SCAPER: variants seen among roughly 807,000 people sequenced by gnomAD.
SCAPER encodes the protein S-phase cyclin A associated protein in the ER.
Under a neutral mutation model 182.2 loss-of-function variants are expected in SCAPER, and 98 were observed. The observed-to-expected ratio is 0.54, with a 90% CI of 0.46 to 0.64. The LOEUF is 0.64. SCAPER is among the 30% of genes least tolerant of loss of function. The pLI is 0.00. For missense variants in SCAPER, 1,432 were observed against 1,690.0 expected (o/e 0.85, Z 2.68); for synonymous variants, 605 against 564.6 (o/e 1.07, Z -1.01).
intron 5 of SCAPER, among the ~76,000 whole-genome samples, chr15:76,839,853 T>C (rs759498246): frequency 1.3e-5 from 2 of 152,180 alleles, no homozygotes; most frequent in African/African-American, 2.4e-5. Context: ...AAAGACGTCA[T>C]TGCAATTGGT....
Position 76,894,492 on chromosome 15 carries a change from C to G in SCAPER, c.-59-10616G>C, listed in dbSNP as rs184283255. Among the ~76,000 whole-genome samples, 9 of 151,958 alleles carry G rather than the reference C, an allele frequency of 5.9e-5. No individual in the cohort carries two copies. In the East Asian group the frequency reaches 1.7e-3, roughly 29 times the overall value. On this transcript the variant is annotated intron_variant, in intron 1 of 31. Coordinates refer to ENST00000563290, the MANE Select transcript of SCAPER (RefSeq NM_020843.4). ...TCAGATAAACAACCTAAGTTTACAC[C>G]TCAAAGAACTAAAAAAAGAACAAAC...
At chr15:76,574,052 C>T (rs1159742516) in intron 23 of SCAPER, 106 bp downstream of exon 23, 1 of 1,058,820 alleles carries the variant, frequency 9.4e-7, no homozygotes, top group Non-Finnish European at 1.2e-6. Flanking sequence ...CTTTAAAAAA[C>T]ACAGAAGAAA....
rs1042287950 is a variant in SCAPER at position 76,688,048 on chromosome 15, C to G, written c.2508+13710G>C. On this transcript the variant is annotated intron_variant, in intron 20 of 31. Transcript: ENST00000563290. Reference sequence around the variant, plus strand: ...TCTGCAATGGTTGAACTAATTTACACTCCCACCAACAGCGTAAAAGCACTC... The same window carrying G: ...TCTGCAATGGTTGAACTAATTTACAGTCCCACCAACAGCGTAAAAGCACTC... Among the ~76,000 whole-genome samples, 4 of 152,308 alleles carry G rather than the reference C, an allele frequency of 2.6e-5. No individual in the cohort carries two copies. In the South Asian group the frequency reaches 6.2e-4, roughly 24 times the overall value.
intron 4 of SCAPER, among the ~76,000 whole-genome samples, chr15:76,852,338 T>C (rs1381911409): frequency 6.6e-6 from 1 of 152,178 alleles, no homozygotes; most frequent in Non-Finnish European, 1.5e-5. Flanking sequence ...ACCAAATGGA[T>C]CTGATAGATC....
chr15:76,469,127 ATTCT>A (rs1228731143), intron 25 of SCAPER, among the ~76,000 whole-genome samples: 1 of 152,144 alleles, frequency 6.6e-6, no homozygotes, highest in Non-Finnish European at 1.5e-5. Flanking sequence ...CAGAACCAAG[ATTCT>A]TTCTTTAAGT....
At chr15:76,831,710 C>T (rs1472967071) in intron 5 of SCAPER, among the ~76,000 whole-genome samples, 1 of 152,134 alleles carries the variant, frequency 6.6e-6, no homozygotes, top group East Asian at 1.9e-4. Flanking sequence ...ATCACCCCAC[C>T]GGAGCATATT....
At chr15:76,468,388 A>C (rs963554938) in intron 25 of SCAPER, among the ~76,000 whole-genome samples, 1 of 152,188 alleles carries the variant, frequency 6.6e-6, no homozygotes, top group Non-Finnish European at 1.5e-5. Flanking sequence ...AGCAAAATTC[A>C]TGGGCAGAAT....
intron 4 of SCAPER, among the ~76,000 whole-genome samples, chr15:76,850,980 G>C (rs2070698708): frequency 6.6e-6 from 1 of 151,722 alleles, no homozygotes; most frequent in East Asian, 1.9e-4. Context: ...GACAATACAG[G>C]AGCTAAGAAA....
intron 7 of SCAPER, among the ~76,000 whole-genome samples, chr15:76,796,042 C>G (rs1385323843): frequency 6.6e-6 from 1 of 152,112 alleles, no homozygotes; most frequent in Non-Finnish European, 1.5e-5. Context: ...GCCTGGGTGA[C>G]AGAGTGAGAC....
chr15:76,494,620 C>A (rs1567267135), intron 24 of SCAPER, among the ~76,000 whole-genome samples: 1 of 152,138 alleles, frequency 6.6e-6, no homozygotes. Context: ...CGTCACCCTG[C>A]AAACACTAAC....
chr15:76,567,815 G>C (rs1168160650), intron 23 of SCAPER, among the ~76,000 whole-genome samples: 2 of 151,758 alleles, frequency 1.3e-5, no homozygotes, highest in Non-Finnish European at 1.5e-5. Context: ...CCCTTCTATT[G>C]CTTGTCTTGC....
At chr15:76,567,214 C>A (rs2047099187) in intron 23 of SCAPER, 3 of 348,110 alleles carry the variant, frequency 8.6e-6, no homozygotes, top group Non-Finnish European at 1.7e-5. Flanking sequence ...TATTGTTATC[C>A]ACAGATGTAG....
chr15:76,897,869 C>T (rs796659499), intron 1 of SCAPER, among the ~76,000 whole-genome samples: 5 of 152,064 alleles, frequency 3.3e-5, no homozygotes, highest in African/African-American at 1.2e-4. Context: ...AGATGCATGA[C>T]CTTTTTTTTT....
intron 23 of SCAPER, among the ~76,000 whole-genome samples, chr15:76,552,854 C>T (rs767527167): frequency 6.6e-6 from 1 of 152,120 alleles, no homozygotes; most frequent in Non-Finnish European, 1.5e-5. Context: ...CCGATCATAG[C>T]GCTCGCACTA....
At chr15:76,701,402 C>A (rs2147258579) in intron 20 of SCAPER, among the ~76,000 whole-genome samples, 1 of 152,260 alleles carries the variant, frequency 6.6e-6, no homozygotes, top group East Asian at 1.9e-4. Flanking sequence ...AAATGGTATA[C>A]TGATCCAAAA....
At chr15:76,586,649 T>C (rs1597522989) in intron 22 of SCAPER, 1 of 153,804 alleles carries the variant, frequency 6.5e-6, no homozygotes, top group East Asian at 1.9e-4. Context: ...TTATCCTTGG[T>C]ATCCGTTTGG....
chr15:76,399,849 A>T (rs945730554), intron 27 of SCAPER, among the ~76,000 whole-genome samples: 2 of 152,054 alleles, frequency 1.3e-5, no homozygotes, highest in Admixed American at 1.3e-4. Flanking sequence ...TACTAAAAAT[A>T]CAAAAATTAG....
chr15:76,590,455 C>T (rs534357422), intron 22 of SCAPER, among the ~76,000 whole-genome samples: 1 of 152,174 alleles, frequency 6.6e-6, no homozygotes, highest in East Asian at 1.9e-4. Flanking sequence ...TCAGAATGCA[C>T]ATAGACTTTG....
intron 22 of SCAPER, among the ~76,000 whole-genome samples, chr15:76,613,797 C>T (rs970316117): frequency 6.6e-6 from 1 of 152,158 alleles, no homozygotes; most frequent in African/African-American, 2.4e-5. Flanking sequence ...GAAATGCTTA[C>T]ACACTGTTGG....
Sources: gnomAD v4.1 joint callset for allele counts (sites outside exome capture counted in the v4.1 genomes callset) on GRCh38, gnomAD v4.1.1 for gene constraint, MANE v1.5 for transcripts, NCBI Gene and HGNC (gene_info 2026-07-23, HGNC 2026-07-21) for gene names.